Variants in FOXP2 observed in about 807,000 individuals in gnomAD.
The protein encoded by FOXP2 is forkhead box protein P2.
In FOXP2, 12 loss-of-function variants were observed where a neutral mutation model predicts 115.8. That is an observed-to-expected ratio of 0.10 (90% CI 0.07 to 0.17). FOXP2 has a LOEUF of 0.17. Ranked by LOEUF, FOXP2 falls within the 10% of genes least tolerant of loss-of-function variation. The pLI, the probability that FOXP2 is intolerant of heterozygous loss-of-function variation, is 1.00. For synonymous variants in FOXP2, 328 were observed against 297.7 expected (o/e 1.10, Z -1.05); for missense variants, 629 against 843.5 (o/e 0.75, Z 3.15).
intron 3 of FOXP2, among the ~76,000 whole-genome samples, chr7:114,560,161 C>T (rs952376420): frequency 2.0e-5 from 3 of 152,030 alleles, no homozygotes; most frequent in African/African-American, 7.2e-5. Flanking sequence ...ATAAAATATG[C>T]AAACACCCAT....
chr7:114,348,613 C>T (rs972595040), intron 2 of FOXP2, among the ~76,000 whole-genome samples: 8 of 152,044 alleles, frequency 5.3e-5, no homozygotes, highest in African/African-American at 1.9e-4. Context: ...ATAGAAAGAA[C>T]ACTGTCCAGG....
chr7:114,462,086 C>T lies in FOXP2; in HGVS notation c.168+35407C>T, dbSNP rs371548679. Among the ~76,000 whole-genome samples the T allele has an allele frequency of 2.0e-5, 3 of 151,750 alleles. No individual in the cohort carries two copies. The East Asian group carries it at 6.0e-4, about 30-fold the overall frequency. On this transcript the variant is annotated intron_variant, in intron 2 of 16. Transcript: ENST00000350908. Reference sequence around the variant, plus strand: ...ACGAGGTCAAGAGATCCGAGACCATCCTGACCAACATGGCGAAGCCCCCGT... The same window carrying T: ...ACGAGGTCAAGAGATCCGAGACCATTCTGACCAACATGGCGAAGCCCCCGT...
At chr7:114,358,690 C>T (rs954495922) in intron 2 of FOXP2, among the ~76,000 whole-genome samples, 2 of 152,054 alleles carry the variant, frequency 1.3e-5, no homozygotes, top group African/African-American at 4.8e-5. Context: ...GGCATTTTGC[C>T]CCTGCCCTAG....
intron 2 of FOXP2, among the ~76,000 whole-genome samples, chr7:114,403,075 T>C (rs975346606): frequency 6.6e-6 from 1 of 152,208 alleles, no homozygotes; most frequent in Non-Finnish European, 1.5e-5. Flanking sequence ...AAATTCAGAA[T>C]TCCTTAGATT....
intron 1 of FOXP2, among the ~76,000 whole-genome samples, chr7:114,251,729 CT>C (rs1370624285): frequency 2.6e-5 from 4 of 152,220 alleles, no homozygotes; most frequent in African/African-American, 7.2e-5. Flanking sequence ...ATCATGTCAT[CT>C]GCAAACAGGG....
At chr7:114,341,890 A>G (rs754904452) in intron 2 of FOXP2, among the ~76,000 whole-genome samples, 5 of 151,502 alleles carry the variant, frequency 3.3e-5, no homozygotes, top group Admixed American at 2.0e-4. Context: ...TGACTGCTCA[A>G]AGGAACCACT....
At chr7:114,594,939 C>G (rs571548571) in intron 3 of FOXP2, among the ~76,000 whole-genome samples, 3 of 152,028 alleles carry the variant, frequency 2.0e-5, no homozygotes, top group South Asian at 4.2e-4. Flanking sequence ...AGAGTCAGAA[C>G]CAAGTAGAGG....
At chr7:114,664,148 A>C (rs369570777) in intron 15 of FOXP2, 125 bp from the exon 16 acceptor site, 1 of 1,130,082 alleles carries the variant, frequency 8.8e-7, no homozygotes, top group Non-Finnish European at 1.3e-6. Flanking sequence ...TTTTCAATAC[A>C]TTTTCTTTTA....
chr7:114,142,027 A>T (rs1418710187), intron 1 of FOXP2, among the ~76,000 whole-genome samples: 1 of 149,028 alleles, frequency 6.7e-6, no homozygotes, highest in African/African-American at 2.5e-5. Context: ...TTAAAGAATT[A>T]GATTGTTTTT....
At chr7:114,232,972 CAT>C (rs1794922895) in intron 1 of FOXP2, among the ~76,000 whole-genome samples, 2 of 152,112 alleles carry the variant, frequency 1.3e-5, no homozygotes, top group South Asian at 4.1e-4. Context: ...TAGTCAAACT[CAT>C]AAAGCAGAAA....
At chr7:114,272,821 GT>G (rs368750840) in intron 1 of FOXP2, among the ~76,000 whole-genome samples, 22 of 151,822 alleles carry the variant, frequency 1.4e-4, no homozygotes, top group African/African-American at 4.6e-4. Context: ...AGTAATTTGT[GT>G]CCTTACTTTT....
At chr7:114,285,972 T>C (rs900968826) in intron 1 of FOXP2, among the ~76,000 whole-genome samples, 2 of 152,086 alleles carry the variant, frequency 1.3e-5, no homozygotes, top group Non-Finnish European at 1.5e-5. Context: ...TTATCATTTA[T>C]GCTTTTTAGG....
At chr7:114,500,288 A>G (rs1321072725) in intron 2 of FOXP2, among the ~76,000 whole-genome samples, 1 of 151,648 alleles carries the variant, frequency 6.6e-6, no homozygotes. Flanking sequence ...TGAAACTTAT[A>G]GTGGCTCAAG....
intron 1 of FOXP2, among the ~76,000 whole-genome samples, chr7:114,102,732 A>ACACACACC (rs757957770): frequency 5.6e-4 from 82 of 146,202 alleles, no homozygotes; most frequent in East Asian, 1.8e-3. Context: ...ACACACACAC[A>ACACACACC]CCCCAATGGT....
intron 2 of FOXP2, among the ~76,000 whole-genome samples, chr7:114,451,631 C>T (rs1009172419): frequency 3.3e-5 from 5 of 151,904 alleles, no homozygotes; most frequent in Non-Finnish European, 5.9e-5. Flanking sequence ...AGTGCTTGCC[C>T]GCTTTGAGCT....
chr7:114,436,834 G>A (rs1794372835), intron 2 of FOXP2, among the ~76,000 whole-genome samples: 1 of 151,998 alleles, frequency 6.6e-6, no homozygotes. Flanking sequence ...GTAGAAGTTA[G>A]CTAGATCAAA....
At chr7:114,357,702 T>C (rs1791648975) in intron 2 of FOXP2, among the ~76,000 whole-genome samples, 1 of 152,210 alleles carries the variant, frequency 6.6e-6, no homozygotes, top group Admixed American at 6.5e-5. Context: ...AAGGAATTAG[T>C]TGTCAAATAC....
chr7:114,450,105 A>C (rs1795007021), intron 2 of FOXP2, among the ~76,000 whole-genome samples: 1 of 152,138 alleles, frequency 6.6e-6, no homozygotes, highest in African/African-American at 2.4e-5. Context: ...TTCATTTGCA[A>C]ATATCAGTAA....
chr7:114,426,812 C>A, intron 2 of FOXP2, 133 bp downstream of exon 2: 1 of 993,616 alleles, frequency 1.0e-6, no homozygotes, highest in Non-Finnish European at 1.5e-6. Flanking sequence ...TTATTTGGAA[C>A]ATGATTGAAG....
Sources: allele counts gnomAD v4.1 joint callset (sites outside exome capture counted in the v4.1 genomes callset), GRCh38; gene constraint gnomAD v4.1.1; transcripts MANE v1.5; gene names NCBI Gene and HGNC (gene_info 2026-07-23, HGNC 2026-07-21).